Variants in MC2R observed in about 807,000 individuals in gnomAD.
The protein encoded by MC2R is melanocortin 2 receptor, also known as adrenocorticotropic hormone receptor.
A neutral mutation model predicts 9.8 loss-of-function variants in MC2R; 9 were observed. The ratio of observed to expected loss-of-function variants is 0.92; its 90% CI spans 0.55 to 1.60. The LOEUF (loss-of-function observed/expected upper bound fraction) is 1.60. Ranked by LOEUF, MC2R falls within the 40% of genes most tolerant of loss-of-function variation. MC2R has a pLI of 0.00. For missense variants in MC2R, 370 were observed against 389.0 expected, an observed-to-expected ratio of 0.95 and a Z score of 0.41; for synonymous variants, 185 against 154.7, an observed-to-expected ratio of 1.20 and a Z score of -1.45.
rs34083652 is a variant in MC2R, at chr18:13,886,263, G to A, written c.-128-617C>T. 2.5e-3 allele frequency among the ~76,000 whole-genome samples: 388 copies of A among 152,252 alleles called. 2 individuals carry two copies. The highest frequency in any genetic ancestry group is 4.2e-3 in the Non-Finnish European group (286 of 68,000). On this transcript the variant is annotated intron_variant, in intron 1 of 1. Coordinates refer to ENST00000327606, the MANE Select transcript of MC2R (RefSeq NM_000529.2). ...TGTAATTTAGGTAAAATAATATACT[G>A]GGCCCTCATCTTAAGCACTTTGTGA...
At chr18:13,895,855 G>A (rs558998034) in intron 1 of MC2R, among the ~76,000 whole-genome samples, 3 of 152,188 alleles carry the variant, frequency 2.0e-5, no homozygotes, top group African/African-American at 7.2e-5. Flanking sequence ...GCAACACCAT[G>A]AGGCAGCGAG....
intron 1 of MC2R, among the ~76,000 whole-genome samples, chr18:13,895,118 G>A (rs1218732590): frequency 1.3e-5 from 2 of 152,180 alleles, no homozygotes; most frequent in Admixed American, 1.3e-4. Context: ...GATGCCTTGG[G>A]ATGTGACAAT....
At chr18:13,889,502 GA>G (rs1567897158) in intron 1 of MC2R, among the ~76,000 whole-genome samples, 2 of 152,160 alleles carry the variant, frequency 1.3e-5, no homozygotes, top group Admixed American at 6.5e-5. Flanking sequence ...AAGCAAAACC[GA>G]CTTTTGTTTT....
chr18:13,901,897 C>T (rs1195768193), intron 1 of MC2R, among the ~76,000 whole-genome samples: 5 of 151,996 alleles, frequency 3.3e-5, no homozygotes, highest in Admixed American at 3.3e-4. Context: ...CCAGTATTAC[C>T]CTGACACCAA....
rs558388004 is a variant in MC2R at position 13,884,886 on chromosome 18, G to A, written c.633C>T (p.Pro211=). The A allele has an allele frequency of 1.9e-6, 3 of 1,614,084 alleles. No homozygotes were observed. The African/African-American group carries it at 4.0e-5, about 22-fold the overall frequency. The change falls in exon 2 of 2, where the codon CCC becomes CCT. Residue 211 remains proline (P), a synonymous_variant. Transcript: ENST00000327606. Reference sequence around the variant, plus strand: ...TGATGGCCCCTTTCATGTTGGCTCTGGGGAGGGTGGAGATCTTCCTGGTGT... The same window carrying A: ...TGATGGCCCCTTTCATGTTGGCTCTAGGGAGGGTGGAGATCTTCCTGGTGT... The part of the protein sequence containing the change: ...RSHTRKISTL[P]RANMKGAITL...
chr18:13,901,590 GCTA>G (rs1297580509), intron 1 of MC2R, among the ~76,000 whole-genome samples: 1 of 151,932 alleles, frequency 6.6e-6, no homozygotes, highest in Non-Finnish European at 1.5e-5. Flanking sequence ...ATCATTAGTG[GCTA>G]CTATGAGTAA....
At chr18:13,906,465 G>T (rs1178750546) in intron 1 of MC2R, among the ~76,000 whole-genome samples, 1 of 151,864 alleles carries the variant, frequency 6.6e-6, no homozygotes, top group African/African-American at 2.4e-5. Context: ...TTAGAGGACG[G>T]GTCAATAGGT....
Position 13,903,661 on chromosome 18 carries a change from G to T in MC2R, c.-129+11827C>A, listed in dbSNP as rs555402539. Among the ~76,000 whole-genome samples the T allele has an allele frequency of 3.9e-5, 6 of 152,308 alleles. No individual in the cohort carries two copies. The South Asian group carries it at 6.2e-4, about 16-fold the overall frequency. ...CATGGGCATAGAGAGTAGAAAGATG[G>T]TTGCCAGAGGCTGGAAAGTTAGTGT... On this transcript the variant is annotated intron_variant, in intron 1 of 1. Transcript: ENST00000327606.
At chr18:13,886,933 T>C (rs1598460367) in intron 1 of MC2R, among the ~76,000 whole-genome samples, 1 of 152,256 alleles carries the variant, frequency 6.6e-6, no homozygotes, top group East Asian at 1.9e-4. Context: ...AGGAGGTTTG[T>C]GGGTCCGGTG....
At chr18:13,913,318 C>T (rs557291744) in intron 1 of MC2R, among the ~76,000 whole-genome samples, 1 of 152,308 alleles carries the variant, frequency 6.6e-6, no homozygotes, top group South Asian at 2.1e-4. Flanking sequence ...ACGGTGCCTT[C>T]CTGCCAGTGT....
At chr18:13,911,081 C>T (rs1010261704) in intron 1 of MC2R, among the ~76,000 whole-genome samples, 6 of 152,158 alleles carry the variant, frequency 3.9e-5, no homozygotes, top group African/African-American at 1.4e-4. Context: ...GTGCAGTTGC[C>T]TTAGGTGAGA....
rs1567895763 is a variant in MC2R, at chr18:13,885,177, C to CA, written c.341dup (p.Leu115AlafsTer134). 1 of 1,614,128 alleles carries CA rather than the reference C, an allele frequency of 6.2e-7. No individual in the cohort carries two copies. The highest frequency in any genetic ancestry group is 1.3e-5 in the African/African-American group (1 of 75,028). On this transcript the variant is annotated frameshift_variant, in exon 2 of 2. Transcript: ENST00000327606. LOFTEE classifies it high-confidence loss of function. ...CAGACAGGCTGAAGATGGAGCCAAG[C>CA]AGGGAGAGGACAAACAGGGAGTCGA... is the stretch of plus-strand genomic sequence containing the variant.
chr18:13,901,959 C>T (rs570348670), intron 1 of MC2R, among the ~76,000 whole-genome samples: 8 of 151,974 alleles, frequency 5.3e-5, no homozygotes, highest in Middle Eastern at 3.4e-3. Context: ...ATATCTCTGA[C>T]GAAGAAATCC....
chr18:13,889,749 A>G (rs900847764), intron 1 of MC2R, among the ~76,000 whole-genome samples: 14 of 152,146 alleles, frequency 9.2e-5, no homozygotes, highest in African/African-American at 3.4e-4. Context: ...AGAAGGCTCT[A>G]TTATGTGTTA....
chr18:13,905,483 T>TAA (rs34841761), intron 1 of MC2R, among the ~76,000 whole-genome samples: 1 of 142,042 alleles, frequency 7.0e-6, no homozygotes. Flanking sequence ...AGACTCCCTC[T>TAA]AAAAAAAAAA....
rs1435908073 is a variant in MC2R at position 13,898,682 on chromosome 18, CTCTG to C, written c.-128-13040_-128-13037del. The stretch of plus-strand genomic sequence containing the variant: ...AGGTGGCTCAGAAGAGAGAGAGAGA[CTCTG>C]TATGTTTGGGAGAAAGTAAGGGACG... On this transcript the variant is annotated intron_variant, in intron 1 of 1. Transcript: ENST00000327606. Among the ~76,000 whole-genome samples, 4 of 152,170 alleles carry C rather than the reference CTCTG, an allele frequency of 2.6e-5. No homozygotes were observed. The East Asian group carries it at 7.7e-4, about 29-fold the overall frequency.
chr18:13,886,114 T>C (rs1271628271), intron 1 of MC2R, among the ~76,000 whole-genome samples: 3 of 152,162 alleles, frequency 2.0e-5, no homozygotes, highest in Non-Finnish European at 4.4e-5. Flanking sequence ...ACCCTATGGG[T>C]AACACGTATG....
At chr18:13,898,725 C>T (rs976413417) in intron 1 of MC2R, among the ~76,000 whole-genome samples, 1 of 152,228 alleles carries the variant, frequency 6.6e-6, no homozygotes. Flanking sequence ...ACAAGAGTCT[C>T]TACTTGGTAA....
rs28926185 is a variant in MC2R at position 13,883,021 on chromosome 18, C to G, written c.*1604G>C. 4,081 of 152,424 alleles carry G rather than the reference C, an allele frequency of 0.027. 67 individuals are homozygous for G. The highest frequency in any genetic ancestry group is 0.055 in the South Asian group (265 of 4,834). The allele number at this position is 152,424 out of a possible 1,614,324, so 9.4% of individuals were successfully genotyped here. ...TGCCACTGTCCTCACTTGACTCCAGCTGCCTTGCCTCCTTTGCTTCTGAAG... is the reference window on the plus strand; with the variant it reads ...TGCCACTGTCCTCACTTGACTCCAGGTGCCTTGCCTCCTTTGCTTCTGAAG... On this transcript the variant is annotated 3_prime_UTR_variant, in exon 2 of 2. Transcript: ENST00000327606.
Sources: gnomAD v4.1 joint callset for allele counts (sites outside exome capture counted in the v4.1 genomes callset) on GRCh38, gnomAD v4.1.1 for gene constraint, MANE v1.5 for transcripts, NCBI Gene and HGNC (gene_info 2026-07-23, HGNC 2026-07-21) for gene names.